The following HDAC9 variants were observed in gnomAD, a reference collection of about 807,000 sequenced individuals.
The protein encoded by HDAC9 is MEF-2 interacting transcription repressor (MITR) protein.
Under a neutral mutation model 139.4 loss-of-function variants are expected in HDAC9, and 41 were observed. The observed-to-expected ratio is 0.29, with a 90% confidence interval of 0.23 to 0.38. HDAC9 has a LOEUF of 0.38. Ranked by LOEUF, HDAC9 falls within the 10% of genes least tolerant of loss-of-function variation. The pLI is 1.00. For synonymous variants in HDAC9, 517 were observed against 476.2 expected, an observed-to-expected ratio of 1.09 and a Z score of -1.12; for missense variants, 1,147 against 1,297.0, an observed-to-expected ratio of 0.88 and a Z score of 1.78.
intron 12 of HDAC9, among the ~76,000 whole-genome samples, chr7:18,682,620 CTT>C (rs550073644): frequency 6.6e-6 from 1 of 151,460 alleles, no homozygotes; most frequent in African/African-American, 2.4e-5. Flanking sequence ...TTATAAAGGT[CTT>C]TTTTTTCACT....
chr7:18,748,593 G>A (rs550154717), intron 13 of HDAC9, among the ~76,000 whole-genome samples: 264 of 152,316 alleles, frequency 1.7e-3, no homozygotes, highest in African/African-American at 6.0e-3. Context: ...AAGATTTAAA[G>A]AGACAGCTTG....
At chr7:18,765,051 G>A (rs553257066) in intron 15 of HDAC9, among the ~76,000 whole-genome samples, 11 of 152,206 alleles carry the variant, frequency 7.2e-5, no homozygotes, top group African/African-American at 2.6e-4. Flanking sequence ...TAATATTCCT[G>A]TCGCTCTTAT....
At chr7:18,673,505 C>G (rs1795780635) in intron 12 of HDAC9, among the ~76,000 whole-genome samples, 1 of 151,924 alleles carries the variant, frequency 6.6e-6, no homozygotes, top group East Asian at 1.9e-4. Context: ...TATTCCATGT[C>G]TATTGATTAC....
Position 18,666,377 on chromosome 7 carries a change from A to T in HDAC9, c.1632A>T (p.Gln544His). 2 of 1,613,292 alleles carry T rather than the reference A, an allele frequency of 1.2e-6. No individual in the cohort carries two copies. The highest frequency in any genetic ancestry group is 1.7e-6 in the Non-Finnish European group (2 of 1,179,596). The change falls in exon 12 of 26, where the codon CAA (glutamine) becomes CAT (histidine). Residue 544 changes from glutamine (Q) to histidine (H), a missense_variant. Physicochemically the swap from Gln to His is conservative, Grantham distance 24. Transcript: ENST00000686413. ...CTTGTGTGGATGACACACTGGGACA[A>T]GTTGGGGCTGTGAAGGTCAAGGAGG... Reference protein sequence around the residue: ...SSACVDDTLGQVGAVKVKEEP... With the variant: ...SSACVDDTLGHVGAVKVKEEP...
chr7:18,359,899 G>A (rs551600913), intron 1 of HDAC9, among the ~76,000 whole-genome samples: 22 of 152,248 alleles, frequency 1.4e-4, no homozygotes, highest in South Asian at 8.3e-4. Flanking sequence ...GTGAGCCACC[G>A]TGCCTGGCCA....
intron 1 of HDAC9, among the ~76,000 whole-genome samples, chr7:18,100,412 T>C (rs1463783872): frequency 6.6e-6 from 1 of 152,196 alleles, no homozygotes; most frequent in Non-Finnish European, 1.5e-5. Context: ...CTCCTCTTTT[T>C]TCTCTTATTC....
In HDAC9 at chr7:18,622,327, G is replaced by T. The variant is rs117336213; in HGVS notation, c.665-7023G>T. On this transcript the variant is annotated intron_variant, in intron 6 of 25. Coordinates refer to ENST00000686413, the MANE Select transcript of HDAC9 (RefSeq NM_178425.4). Reference sequence around the variant, plus strand: ...CATTATTTTAAAAACATGTATGTATGTATTTATTTATTTAGAGAGGGAGTC... The same window carrying T: ...CATTATTTTAAAAACATGTATGTATTTATTTATTTATTTAGAGAGGGAGTC... Among the ~76,000 whole-genome samples, 500 of 152,154 alleles carry T rather than the reference G, an allele frequency of 3.3e-3. 29 individuals are homozygous for T. The East Asian group carries it at 0.079, about 24-fold the overall frequency.
At chr7:18,315,647 TTAAG>T (rs1585136472) in intron 1 of HDAC9, among the ~76,000 whole-genome samples, 1 of 152,294 alleles carries the variant, frequency 6.6e-6, no homozygotes, top group East Asian at 1.9e-4. Context: ...ACTACATAAT[TTAAG>T]TGATTAAATT....
At chr7:18,835,830 T>C (rs1409304829) in intron 20 of HDAC9, 70 bp from the exon 21 acceptor site, 1 of 1,127,736 alleles carries the variant, frequency 8.9e-7, no homozygotes, top group African/African-American at 1.6e-5. Context: ...ATGTGCTTGT[T>C]TTCCTCTCTT....
intron 24 of HDAC9, among the ~76,000 whole-genome samples, chr7:18,969,183 C>T (rs1784093394): frequency 6.6e-6 from 1 of 151,848 alleles, no homozygotes; most frequent in South Asian, 2.1e-4. Context: ...GAGGAACTAA[C>T]CAACGAAAAG....
intron 6 of HDAC9, among the ~76,000 whole-genome samples, chr7:18,619,874 C>G (rs1732445272): frequency 1.3e-5 from 2 of 152,172 alleles, no homozygotes; most frequent in Non-Finnish European, 2.9e-5. Flanking sequence ...CTTCTCCCAC[C>G]TTTACCTGTC....
intron 12 of HDAC9, among the ~76,000 whole-genome samples, chr7:18,672,076 G>A (rs141979881): frequency 3.8e-4 from 58 of 152,064 alleles, no homozygotes; most frequent in African/African-American, 1.3e-3. Flanking sequence ...TATATATCTA[G>A]GAGTGAAATT....
chr7:18,212,187 A>G (rs1434189679), intron 2 of HDAC9, among the ~76,000 whole-genome samples: 2 of 152,178 alleles, frequency 1.3e-5, no homozygotes, highest in East Asian at 1.9e-4. Flanking sequence ...TAATACAACT[A>G]TGGAGATTTA....
At chr7:18,530,423 A>G (rs930524591) in intron 2 of HDAC9, among the ~76,000 whole-genome samples, 1 of 152,296 alleles carries the variant, frequency 6.6e-6, no homozygotes, top group East Asian at 1.9e-4. Flanking sequence ...ACAATGTTCA[A>G]TGGTGTTGAA....
chr7:18,512,439 G>T (rs188745678), intron 2 of HDAC9, among the ~76,000 whole-genome samples: 2 of 152,228 alleles, frequency 1.3e-5, no homozygotes, highest in Admixed American at 1.3e-4. Flanking sequence ...AAACTTTTAT[G>T]GAAAAATTAA....
intron 12 of HDAC9, among the ~76,000 whole-genome samples, chr7:18,722,564 C>T (rs565514760): frequency 6.6e-6 from 1 of 152,180 alleles, no homozygotes; most frequent in Admixed American, 6.5e-5. Context: ...TCAATCAGTT[C>T]CAGAGACAAC....
chr7:18,206,406 A>G (rs748649509), intron 2 of HDAC9, among the ~76,000 whole-genome samples: 4 of 152,248 alleles, frequency 2.6e-5, no homozygotes, highest in Non-Finnish European at 5.9e-5. Context: ...ATTTAAAAAT[A>G]TGTTTGTATT....
intron 24 of HDAC9, among the ~76,000 whole-genome samples, chr7:18,971,033 C>G (rs1320116264): frequency 6.6e-6 from 1 of 152,176 alleles, no homozygotes; most frequent in Non-Finnish European, 1.5e-5. Flanking sequence ...ATACTGAAGT[C>G]TGTTTACAGA....
At chr7:18,529,312 TA>T (rs1459141090) in intron 2 of HDAC9, among the ~76,000 whole-genome samples, 5 of 152,082 alleles carry the variant, frequency 3.3e-5, no homozygotes, top group Admixed American at 3.3e-4. Context: ...GCATAGGACA[TA>T]AAAGTAAATA....
Sources: gnomAD v4.1 joint callset for allele counts (sites outside exome capture counted in the v4.1 genomes callset) on GRCh38, gnomAD v4.1.1 for gene constraint, MANE v1.5 for transcripts, NCBI Gene and HGNC (gene_info 2026-07-23, HGNC 2026-07-21) for gene names.